The following NEBL variants were observed in gnomAD, a reference collection of about 807,000 sequenced individuals.
NEBL encodes the protein nebulette, also known as LIM and SH3 protein 2.
NEBL carries 122 observed loss-of-function variants against 140.2 expected under a neutral mutation model. The ratio of observed to expected loss-of-function variants is 0.87; its 90% confidence interval spans 0.75 to 1.01. The LOEUF (loss-of-function observed/expected upper bound fraction) is 1.01. Ranked by LOEUF, NEBL falls within the 50% of genes least tolerant of loss-of-function variation. The pLI, the probability that NEBL is intolerant of heterozygous loss-of-function variation, is 0.00. For synonymous variants in NEBL, 436 were observed against 398.9 expected (o/e 1.09, Z -1.11); for missense variants, 1,365 against 1,231.3 (o/e 1.11, Z -1.62).
intron 26 of NEBL, among the ~76,000 whole-genome samples, chr10:20,804,092 C>A (rs1837392569): frequency 6.6e-6 from 1 of 152,020 alleles, no homozygotes; most frequent in Middle Eastern, 3.2e-3. Flanking sequence ...AGAGATACAA[C>A]AGTCAACAAA....
rs1346103850 is a variant in NEBL, at chr10:20,781,120, G to A, written c.*4627C>T. On this transcript the variant is annotated 3_prime_UTR_variant, in exon 28 of 28. Transcript: ENST00000377122. ...TTGCTCTAGTCCACCAAGGCTTAAAGATTCACAGTGTAGAGGAAAAAAATA... is the reference window on the plus strand; with the variant it reads ...TTGCTCTAGTCCACCAAGGCTTAAAAATTCACAGTGTAGAGGAAAAAAATA... The A allele has an allele frequency of 6.6e-6, 1 of 152,558 alleles. No homozygotes were observed. The highest frequency in any genetic ancestry group is 2.4e-5 in the African/African-American group (1 of 41,426). The allele number at this position is 152,558 out of a possible 1,614,324, so 9.5% of individuals were successfully genotyped here. A position where few individuals can be genotyped will look rare whatever the true frequency, so the allele number is the denominator to read the frequency against.
chr10:20,979,193 G>A (rs1836931717), intron 3 of NEBL, among the ~76,000 whole-genome samples: 1 of 152,228 alleles, frequency 6.6e-6, no homozygotes, highest in South Asian at 2.1e-4. Context: ...AGAGGTGGGA[G>A]GACTGCTTGA....
rs188647240 is a variant in NEBL at position 21,009,742 on chromosome 10, T to A, written c.249+10375A>T. On this transcript the variant is annotated intron_variant, in intron 3 of 6. Transcript: ENST00000417816. Reference sequence around the variant, plus strand: ...TCTCTACAGAATTTCTTGAGCCTGTTTTTATCCTTTTGCAAGGCCCCCAGA... The same window carrying A: ...TCTCTACAGAATTTCTTGAGCCTGTATTTATCCTTTTGCAAGGCCCCCAGA... Among the ~76,000 whole-genome samples the A allele has an allele frequency of 2.3e-4, 35 of 152,356 alleles. 1 individual carries two copies. The highest frequency in any genetic ancestry group is 2.2e-3 in the Admixed American group (33 of 15,300).
intron 16 of NEBL, among the ~76,000 whole-genome samples, chr10:20,830,790 G>C (rs1459802193): frequency 6.6e-6 from 1 of 151,400 alleles, no homozygotes; most frequent in Non-Finnish European, 1.5e-5. Flanking sequence ...TGGGCACAAT[G>C]GCTCATGCCC....
chr10:21,123,821 T>TTGTATA lies in NEBL; in HGVS notation c.164+48556_164+48561dup, dbSNP rs531986595. On this transcript the variant is annotated intron_variant, in intron 2 of 6. Transcript: ENST00000417816. ...ATAAATATACATAATCTCCAATTGG[T>TTGTATA]TGTATATGTATATGTATATCTCCAA... Among the ~76,000 whole-genome samples the TTGTATA allele has an allele frequency of 3.0e-4, 45 of 150,906 alleles. 1 individual carries two copies. The South Asian group carries it at 9.0e-3, about 30-fold the overall frequency.
At chr10:20,987,581 C>G (rs1837305360) in intron 3 of NEBL, among the ~76,000 whole-genome samples, 1 of 152,192 alleles carries the variant, frequency 6.6e-6, no homozygotes, top group Non-Finnish European at 1.5e-5. Flanking sequence ...GAGCCACAGA[C>G]TGGAGCATGG....
intron 26 of NEBL, among the ~76,000 whole-genome samples, chr10:20,803,324 G>A (rs1423941956): frequency 6.6e-6 from 1 of 152,054 alleles, no homozygotes; most frequent in African/African-American, 2.4e-5. Context: ...ACCATGTTCT[G>A]ATCACTATAT....
At chr10:21,213,603 C>T (rs1476719880) in intron 3 of NEBL, among the ~76,000 whole-genome samples, 2 of 152,128 alleles carry the variant, frequency 1.3e-5, no homozygotes, top group Non-Finnish European at 1.5e-5. Flanking sequence ...TGAAGATGCT[C>T]TCAGGACTTA....
At chr10:20,978,429 C>CA (rs1836891062) in intron 3 of NEBL, among the ~76,000 whole-genome samples, 1 of 138,792 alleles carries the variant, frequency 7.2e-6, no homozygotes, top group East Asian at 2.4e-4. Flanking sequence ...GAAAAGCTAA[C>CA]CAAAAAAAAA....
upstream of NEBL, among the ~76,000 whole-genome samples, chr10:21,177,305 G>T (rs1841315502): frequency 6.6e-6 from 1 of 152,240 alleles, no homozygotes; most frequent in Non-Finnish European, 1.5e-5. Flanking sequence ...TCAAGAATGA[G>T]ACGGGCTGAA....
At chr10:20,901,506 C>T (rs1847867709), upstream of NEBL, among the ~76,000 whole-genome samples, 1 of 151,964 alleles carries the variant, frequency 6.6e-6, no homozygotes, top group South Asian at 2.1e-4. Flanking sequence ...TTTTCCTCAA[C>T]ATGGTGATAC....
At chr10:21,285,208 T>C (rs1011775471) in intron 1 of NEBL, among the ~76,000 whole-genome samples, 2 of 152,176 alleles carry the variant, frequency 1.3e-5, no homozygotes, top group Non-Finnish European at 2.9e-5. Flanking sequence ...GAGTAGATCA[T>C]TGGTGCAGCT....
chr10:20,883,359 C>T (rs1846194727), intron 4 of NEBL, among the ~76,000 whole-genome samples: 1 of 152,170 alleles, frequency 6.6e-6, no homozygotes, highest in East Asian at 1.9e-4. Context: ...GATAATTCAT[C>T]TTGTTAGAGT....
intron 4 of NEBL, among the ~76,000 whole-genome samples, chr10:20,925,339 A>G (rs1308246440): frequency 6.6e-6 from 1 of 152,152 alleles, no homozygotes; most frequent in East Asian, 1.9e-4. Context: ...GAATATTTGT[A>G]TCAACATTAG....
At chr10:21,284,036 TA>T (rs5783774) in intron 1 of NEBL, among the ~76,000 whole-genome samples, 34,710 of 67,332 alleles carry the variant, frequency 0.52, 8,296 homozygotes, top group East Asian at 0.9. Context: ...TAATCTGCAC[TA>T]AAAAAAAAAA....
chr10:20,959,217 A>G (rs1835941040), intron 4 of NEBL, among the ~76,000 whole-genome samples: 1 of 152,180 alleles, frequency 6.6e-6, no homozygotes. Context: ...ACCTACCTAT[A>G]TTAACCTATA....
intron 1 of NEBL, among the ~76,000 whole-genome samples, chr10:21,270,502 G>C (rs1312361894): frequency 6.6e-6 from 1 of 152,012 alleles, no homozygotes; most frequent in Non-Finnish European, 1.5e-5. Flanking sequence ...ATGTAGCTGG[G>C]ATTACAGGTG....
intron 2 of NEBL, among the ~76,000 whole-genome samples, chr10:21,074,483 CTT>C (rs11345784): frequency 0.085 from 12,167 of 142,316 alleles, 777 homozygotes; most frequent in East Asian, 0.23. Flanking sequence ...GAATTTTTTT[CTT>C]TTTTTTTTTT....
intron 5 of NEBL, among the ~76,000 whole-genome samples, chr10:20,879,424 A>G (rs889425417): frequency 2.0e-5 from 3 of 152,242 alleles, no homozygotes; most frequent in African/African-American, 7.2e-5. Context: ...ACAGACATGT[A>G]GCCTCTTCAT....
Sources: gnomAD v4.1 joint callset for allele counts (sites outside exome capture counted in the v4.1 genomes callset) on GRCh38, gnomAD v4.1.1 for gene constraint, MANE v1.5 for transcripts, NCBI Gene and HGNC (gene_info 2026-07-23, HGNC 2026-07-21) for gene names.